GPHN: variants seen among roughly 807,000 people sequenced by gnomAD.
GPHN encodes gephyrin.
Under a neutral mutation model 95.5 loss-of-function variants are expected in GPHN, and 17 were observed. That is an observed-to-expected ratio of 0.18 (90% confidence interval 0.12 to 0.27). The LOEUF (loss-of-function observed/expected upper bound fraction) is 0.27. Ranked by LOEUF, GPHN falls within the 10% of genes least tolerant of loss-of-function variation. The pLI is 1.00. For synonymous variants in GPHN, 320 were observed against 322.5 expected (o/e 0.99, Z 0.08); for missense variants, 660 against 978.1 (o/e 0.67, Z 4.34).
At chr14:66,965,097 T>C in intron 8 of GPHN, 94 bp from the exon 9 acceptor site, 1 of 1,000,930 alleles carries the variant, frequency 1.0e-6, no homozygotes, top group Non-Finnish European at 1.6e-6. Flanking sequence ...ATGTCAGAGC[T>C]GAGCAGCAAA....
chr14:66,998,291 C>G (rs553470532), intron 9 of GPHN, among the ~76,000 whole-genome samples: 1 of 152,082 alleles, frequency 6.6e-6, no homozygotes, highest in Admixed American at 6.6e-5. Context: ...GGTAGGGTTT[C>G]TCTCTTTCAC....
At chr14:67,249,991 G>T in the GPHN span, among the ~76,000 whole-genome samples, 11 of 152,162 alleles carry the variant, frequency 7.2e-5, no homozygotes, top group Admixed American at 6.5e-4. Context: ...TAACGCTTCG[G>T]AAAGTCTTTT....
the GPHN span, among the ~76,000 whole-genome samples, chr14:67,715,497 C>A: frequency 6.6e-6 from 1 of 152,218 alleles, no homozygotes; most frequent in Non-Finnish European, 1.5e-5. Flanking sequence ...CAGCTTTGCC[C>A]CCTGCCATCC....
chr14:66,727,383 A>G (rs890403093), intron 2 of GPHN, among the ~76,000 whole-genome samples: 2 of 152,214 alleles, frequency 1.3e-5, no homozygotes, highest in African/African-American at 4.8e-5. Context: ...AAAATGTGGA[A>G]GTGACTTTGG....
chr14:67,036,100 C>T (rs1228830788), intron 10 of GPHN, among the ~76,000 whole-genome samples: 2 of 151,724 alleles, frequency 1.3e-5, no homozygotes, highest in Non-Finnish European at 3.0e-5. Flanking sequence ...TAATGTATCA[C>T]ATTAACAGAA....
At chr14:67,478,502 TGAAA>T in the GPHN span, among the ~76,000 whole-genome samples, 3 of 152,256 alleles carry the variant, frequency 2.0e-5, no homozygotes, top group Non-Finnish European at 4.4e-5. Context: ...CATCACAGGA[TGAAA>T]GAGTGTGTAG....
At chr14:66,597,784 C>T (rs1049893793) in intron 1 of GPHN, among the ~76,000 whole-genome samples, 1 of 152,178 alleles carries the variant, frequency 6.6e-6, no homozygotes, top group African/African-American at 2.4e-5. Context: ...CTGCAGCTGG[C>T]ATCATGGCAG....
chr14:67,432,788 AC>A, the GPHN span, among the ~76,000 whole-genome samples: 1 of 151,064 alleles, frequency 6.6e-6, no homozygotes, highest in East Asian at 2.0e-4. Context: ...GTTGCCGGCA[AC>A]CTGGGTGGTC....
the GPHN span, among the ~76,000 whole-genome samples, chr14:67,568,161 C>T: frequency 6.6e-6 from 1 of 152,064 alleles, no homozygotes; most frequent in Non-Finnish European, 1.5e-5. Context: ...TTCATCACAG[C>T]ACTACTCACA....
intron 11 of GPHN, among the ~76,000 whole-genome samples, chr14:67,084,998 A>G (rs764813057): frequency 2.6e-4 from 40 of 152,376 alleles, no homozygotes; most frequent in Non-Finnish European, 4.3e-4. Flanking sequence ...GCACTGCAGA[A>G]TTATTATAAT....
intron 9 of GPHN, among the ~76,000 whole-genome samples, chr14:66,997,475 A>G (rs1258442156): frequency 6.6e-6 from 1 of 151,954 alleles, no homozygotes; most frequent in Non-Finnish European, 1.5e-5. Context: ...AGGCCACTGT[A>G]GCTACCATAT....
chr14:67,254,879 A>G, the GPHN span, among the ~76,000 whole-genome samples: 2 of 152,316 alleles, frequency 1.3e-5, no homozygotes, highest in Admixed American at 6.5e-5. Context: ...GGCCGGGCGC[A>G]GTGGCTCACA....
the GPHN span, among the ~76,000 whole-genome samples, chr14:67,618,749 CTGCCTTACAGTGGTTAT>C: frequency 2.0e-5 from 3 of 152,180 alleles, no homozygotes; most frequent in African/African-American, 7.2e-5. Context: ...TTCAGAACCA[CTGCCTTACAGTGGTTAT>C]TTTGCTAAGG....
chr14:67,225,648 G>A, the GPHN span, among the ~76,000 whole-genome samples: 11 of 151,922 alleles, frequency 7.2e-5, no homozygotes, highest in South Asian at 2.1e-4. Flanking sequence ...ACAGATATTC[G>A]TAGAGTGCCT....
At chr14:66,568,365 G>C (rs898319569) in intron 1 of GPHN, among the ~76,000 whole-genome samples, 1 of 152,132 alleles carries the variant, frequency 6.6e-6, no homozygotes, top group African/African-American at 2.4e-5. Context: ...CTTGTTTCCT[G>C]TTATGGCATT....
chr14:67,113,008 T>G lies in GPHN; in HGVS notation c.1473-10T>G. 2.5e-6 allele frequency: 4 copies of G among 1,613,274 alleles called. No individual in the cohort carries two copies. The highest frequency in any genetic ancestry group is 3.4e-6 in the Non-Finnish European group (4 of 1,179,282). ...AATCACACTGCTTATGGTTCTGCTT[T>G]GACTTTCAGACCCATCGGCCATGAC... On this transcript the variant is annotated splice_polypyrimidine_tract_variant and intron_variant, in intron 15 of 22. Coordinates refer to ENST00000478722, the MANE Select transcript of GPHN (RefSeq NM_020806.5).
chr14:66,683,353 T>C (rs1237946944), intron 2 of GPHN, among the ~76,000 whole-genome samples: 10 of 33,006 alleles, frequency 3.0e-4, no homozygotes, highest in African/African-American at 9.7e-4. Context: ...TATATATATA[T>C]ATATATATAT....
chr14:66,989,537 A>C (rs767254437), intron 9 of GPHN, among the ~76,000 whole-genome samples: 1 of 151,782 alleles, frequency 6.6e-6, no homozygotes, highest in Non-Finnish European at 1.5e-5. Flanking sequence ...CTGTACTACT[A>C]TATAATGATT....
chr14:67,655,498 A>T, the GPHN span, among the ~76,000 whole-genome samples: 1 of 152,058 alleles, frequency 6.6e-6, no homozygotes, highest in Non-Finnish European at 1.5e-5. Context: ...ACCTTACTGG[A>T]TAATCCTTAG....
Sources: gnomAD v4.1 joint callset for allele counts (sites outside exome capture counted in the v4.1 genomes callset) on GRCh38, gnomAD v4.1.1 for gene constraint, MANE v1.5 for transcripts, NCBI Gene and HGNC (gene_info 2026-07-23, HGNC 2026-07-21) for gene names.